The following SGCZ variants were observed in gnomAD, a reference collection of about 807,000 sequenced individuals.
The protein encoded by SGCZ is zeta-sarcoglycan.
In SGCZ, 40 loss-of-function variants were observed where a neutral mutation model predicts 41.3. That is an observed-to-expected ratio of 0.97 (90% CI 0.75 to 1.26). SGCZ has a LOEUF of 1.26. Ranked by LOEUF, SGCZ falls within the 50% of genes most tolerant of loss-of-function variation. The pLI, the probability that SGCZ is intolerant of heterozygous loss-of-function variation, is 0.00. For missense variants in SGCZ, 552 were observed against 369.8 expected, an observed-to-expected ratio of 1.49 and a Z score of -4.04; for synonymous variants, 206 against 137.5, an observed-to-expected ratio of 1.50 and a Z score of -3.49.
Position 15,116,424 on chromosome 8 carries a change from T to C in SGCZ, c.39+121161A>G, listed in dbSNP as rs547720377. Among the ~76,000 whole-genome samples, 62 of 152,318 alleles carry C rather than the reference T, an allele frequency of 4.1e-4. No individual in the cohort carries two copies. The South Asian group carries it at 7.2e-3, about 18-fold the overall frequency. On this transcript the variant is annotated intron_variant, in intron 1 of 7. Transcript: ENST00000382080. ...TAAATTCAAACATAGATGTATTCCA[T>C]ACTCAATATATCCCAATGAGAAGTG... is the stretch of plus-strand genomic sequence containing the variant.
At chr8:14,670,645 A>G (rs1339792937) in intron 1 of SGCZ, among the ~76,000 whole-genome samples, 1 of 152,194 alleles carries the variant, frequency 6.6e-6, no homozygotes, top group Non-Finnish European at 1.5e-5. Context: ...TTGGAACACA[A>G]TGTATAATAT....
intron 4 of SGCZ, among the ~76,000 whole-genome samples, chr8:14,216,939 T>C (rs557603627): frequency 2.0e-5 from 3 of 152,282 alleles, no homozygotes; most frequent in East Asian, 1.9e-4. Context: ...AGAACAGTTA[T>C]GTATACTGAC....
chr8:15,200,384 G>A (rs540079482), intron 1 of SGCZ, among the ~76,000 whole-genome samples: 1 of 152,198 alleles, frequency 6.6e-6, no homozygotes, highest in South Asian at 2.1e-4. Context: ...GGCCATCACT[G>A]GTACCTCCTG....
In SGCZ at chr8:14,437,654, T is replaced by A. The variant is rs959929605; in HGVS notation, c.235-113450A>T. 9.3e-4 allele frequency among the ~76,000 whole-genome samples: 142 copies of A among 151,994 alleles called. 2 individuals carry two copies. Among genetic ancestry groups the A allele is most frequent in the African/African-American group, 3.4e-3 (141 of 41,530 alleles). Reference sequence around the variant, plus strand: ...AGCAAAAGTTCTTCAGAATCCTCAATAACATTAAAGACTTCAAAAGGGACC... The same window carrying A: ...AGCAAAAGTTCTTCAGAATCCTCAAAAACATTAAAGACTTCAAAAGGGACC... On this transcript the variant is annotated intron_variant, in intron 2 of 7. Transcript: ENST00000382080.
chr8:14,811,016 TC>T (rs1241013801), intron 1 of SGCZ, among the ~76,000 whole-genome samples: 1 of 152,024 alleles, frequency 6.6e-6, no homozygotes, highest in Non-Finnish European at 1.5e-5. Context: ...AGTACATCTT[TC>T]CCCCAAATTT....
At chr8:14,591,966 T>C (rs1484916633) in intron 1 of SGCZ, among the ~76,000 whole-genome samples, 1 of 152,108 alleles carries the variant, frequency 6.6e-6, no homozygotes, top group East Asian at 1.9e-4. Context: ...CTTCCTATGA[T>C]GCCAGCAATA....
intron 1 of SGCZ, among the ~76,000 whole-genome samples, chr8:14,815,322 G>A (rs188406198): frequency 6.6e-5 from 10 of 150,448 alleles, no homozygotes; most frequent in Admixed American, 2.0e-4. Context: ...TATACATAGC[G>A]GAAAGTTGAT....
At chr8:15,006,672 TA>T (rs1355488053) in intron 1 of SGCZ, among the ~76,000 whole-genome samples, 2 of 152,202 alleles carry the variant, frequency 1.3e-5, no homozygotes, top group Admixed American at 6.5e-5. Flanking sequence ...GTACTACTGG[TA>T]ATCCACCAAT....
chr8:14,152,115 G>T (rs924836019), intron 5 of SGCZ, among the ~76,000 whole-genome samples: 1 of 151,922 alleles, frequency 6.6e-6, no homozygotes, highest in Non-Finnish European at 1.5e-5. Flanking sequence ...TCTCATGAAA[G>T]ACTTGACTAA....
At chr8:14,418,680 G>C (rs1177342947) in intron 2 of SGCZ, among the ~76,000 whole-genome samples, 2 of 151,804 alleles carry the variant, frequency 1.3e-5, no homozygotes, top group Non-Finnish European at 2.9e-5. Flanking sequence ...TACTTTTATA[G>C]AAATGTAAAC....
chr8:15,150,417 G>C (rs921808292), intron 1 of SGCZ, among the ~76,000 whole-genome samples: 1 of 152,082 alleles, frequency 6.6e-6, no homozygotes, highest in African/African-American at 2.4e-5. Context: ...GGTTTCCTTC[G>C]ATGCCCTGGG....
chr8:15,230,848 A>G (rs2117206539), intron 1 of SGCZ, among the ~76,000 whole-genome samples: 1 of 152,296 alleles, frequency 6.6e-6, no homozygotes, highest in Middle Eastern at 3.4e-3. Flanking sequence ...GTGGCTAAAA[A>G]ATGATTATGA....
chr8:15,025,484 G>A (rs976048239), intron 1 of SGCZ, among the ~76,000 whole-genome samples: 4 of 152,188 alleles, frequency 2.6e-5, no homozygotes, highest in African/African-American at 9.7e-5. Context: ...AGGTAGAGAG[G>A]CTGTAAAGGT....
intron 2 of SGCZ, among the ~76,000 whole-genome samples, chr8:14,411,398 A>T (rs942791078): frequency 2.0e-5 from 3 of 152,276 alleles, no homozygotes; most frequent in South Asian, 4.1e-4. Flanking sequence ...TCTTAAGGTC[A>T]TGCCTACTTC....
At chr8:14,402,120 C>A (rs1245778746) in intron 2 of SGCZ, among the ~76,000 whole-genome samples, 1 of 152,104 alleles carries the variant, frequency 6.6e-6, no homozygotes, top group Admixed American at 6.5e-5. Context: ...CCTTTGCCCA[C>A]TTTTTGATGG....
chr8:14,874,377 G>A (rs1324813730), intron 1 of SGCZ, among the ~76,000 whole-genome samples: 3 of 151,960 alleles, frequency 2.0e-5, no homozygotes, highest in East Asian at 3.9e-4. Flanking sequence ...TTTCCCTGGT[G>A]TTTTCTACAA....
chr8:15,059,355 C>G (rs765441543), intron 1 of SGCZ, among the ~76,000 whole-genome samples: 6 of 152,094 alleles, frequency 3.9e-5, no homozygotes, highest in Non-Finnish European at 5.9e-5. Flanking sequence ...CTCAAGTTGG[C>G]ACTTGTTAAA....
At chr8:14,641,084 T>C (rs1304149830) in intron 1 of SGCZ, among the ~76,000 whole-genome samples, 1 of 151,514 alleles carries the variant, frequency 6.6e-6, no homozygotes, top group African/African-American at 2.4e-5. Flanking sequence ...GTGGTAATAA[T>C]CAAACTAACA....
chr8:14,245,596 G>T (rs1362751594), intron 3 of SGCZ, among the ~76,000 whole-genome samples: 1 of 152,050 alleles, frequency 6.6e-6, no homozygotes, highest in Non-Finnish European at 1.5e-5. Context: ...TTGACAAATG[G>T]GATCTAATTA....
Sources: allele counts gnomAD v4.1 joint callset (sites outside exome capture counted in the v4.1 genomes callset), GRCh38; gene constraint gnomAD v4.1.1; transcripts MANE v1.5; gene names NCBI Gene and HGNC (gene_info 2026-07-23, HGNC 2026-07-21).